UTP6: variants seen among roughly 807,000 people sequenced by gnomAD.
The protein encoded by UTP6 is U3 small nucleolar RNA-associated protein 6 homolog.
UTP6 carries 60 observed loss-of-function variants against 96.5 expected under a neutral mutation model. That is an observed-to-expected ratio of 0.62 (90% CI 0.51 to 0.77). The LOEUF (loss-of-function observed/expected upper bound fraction) is 0.77, where lower values mean the gene tolerates loss of function less well. UTP6 is among the 30% of genes least tolerant of loss of function. The pLI is 0.00. For synonymous variants in UTP6, 215 were observed against 240.1 expected, an observed-to-expected ratio of 0.90 and a Z score of 0.96; for missense variants, 637 against 706.5, an observed-to-expected ratio of 0.90 and a Z score of 1.12.
At chr17:31,891,760 C>A (rs929823043) in intron 6 of UTP6, among the ~76,000 whole-genome samples, 1 of 152,174 alleles carries the variant, frequency 6.6e-6, no homozygotes, top group Admixed American at 6.6e-5. Context: ...TGGTGGCTCA[C>A]GCCTGTAATC....
intron 7 of UTP6, 49 bp downstream of exon 7, chr17:31,889,236 G>T: frequency 1.4e-6 from 2 of 1,435,708 alleles, no homozygotes; most frequent in South Asian, 1.2e-5. Context: ...TGTCTCCAGA[G>T]GACCAAACTG....
intron 8 of UTP6, among the ~76,000 whole-genome samples, chr17:31,886,856 T>G (rs952504325): frequency 6.6e-6 from 1 of 152,214 alleles, no homozygotes; most frequent in African/African-American, 2.4e-5. Flanking sequence ...TATCACTTTA[T>G]GAGATCATAC....
Position 31,889,303 on chromosome 17 carries a change from G to A in UTP6, c.525C>T (p.Cys175=). ...CACTCACTTCTTTATAAAGTTTTGG[G>A]CACTCTGGATGAAAGCGCAGTGCGC... ...FLRALRFHPE[C]PKLYKEYFRM... The change falls in exon 7 of 19, where the codon TGC becomes TGT. Residue 175 remains cysteine (C), a synonymous_variant. Coordinates refer to ENST00000261708, the MANE Select transcript of UTP6 (RefSeq NM_018428.3). The A allele has an allele frequency of 6.2e-7, 1 of 1,612,780 alleles. No individual in the cohort carries two copies. The highest frequency in any genetic ancestry group is 8.5e-7 in the Non-Finnish European group (1 of 1,179,196).
chr17:31,867,976 A>G, intron 17 of UTP6, 70 bp downstream of exon 17: 1 of 1,526,882 alleles, frequency 6.5e-7, no homozygotes, highest in Non-Finnish European at 8.9e-7. Context: ...AAAAAACAAA[A>G]AACAGTCTGA....
chr17:31,864,697 T>C (rs28425574), intron 18 of UTP6, among the ~76,000 whole-genome samples: 4,682 of 151,372 alleles, frequency 0.031, 243 homozygotes, highest in African/African-American at 0.11. Flanking sequence ...ATCACAGTCA[T>C]TGCAGCCTCA....
intron 2 of UTP6, among the ~76,000 whole-genome samples, chr17:31,896,551 T>C (rs1244346654): frequency 2.0e-5 from 3 of 152,196 alleles, no homozygotes; most frequent in Non-Finnish European, 2.9e-5. Flanking sequence ...TATATGTGTA[T>C]ATGTAGTTCT....
At chr17:31,880,443 G>A in intron 11 of UTP6, 130 bp downstream of exon 11, 1 of 1,058,038 alleles carries the variant, frequency 9.5e-7, no homozygotes, top group East Asian at 2.6e-5. Flanking sequence ...AAAAAAAAAG[G>A]CCAGGCTCAT....
Position 31,868,039 on chromosome 17 carries a change from CACTT to C in UTP6, c.1563+3_1563+6del. On this transcript the variant is annotated splice_donor_5th_base_variant and intron_variant, in intron 17 of 18. Transcript: ENST00000261708. The stretch of plus-strand genomic sequence containing the variant: ...CCAGACAAGAAATGCTGAAACAGAA[CACTT>C]ACTTGCTCCTTTTCAAACTGAATCA... 1.2e-6 allele frequency: 2 copies of C among 1,612,376 alleles called. No individual in the cohort carries two copies. The highest frequency in any genetic ancestry group is 1.7e-6 in the Non-Finnish European group (2 of 1,178,984).
chr17:31,867,742 G>C (rs191729798), intron 17 of UTP6, among the ~76,000 whole-genome samples: 156 of 151,986 alleles, frequency 1.0e-3, no homozygotes, highest in Middle Eastern at 3.4e-3. Flanking sequence ...CACATCACGA[G>C]GTCAACAGAT....
intron 2 of UTP6, among the ~76,000 whole-genome samples, chr17:31,896,743 C>A (rs1268327789): frequency 6.6e-6 from 1 of 151,572 alleles, no homozygotes; most frequent in Non-Finnish European, 1.5e-5. Flanking sequence ...TTCAACTGAT[C>A]CTCCCACCTC....
intron 16 of UTP6, among the ~76,000 whole-genome samples, chr17:31,870,671 G>A (rs1401261146): frequency 5.9e-5 from 9 of 151,486 alleles, no homozygotes; most frequent in Non-Finnish European, 8.8e-5. Flanking sequence ...ACAGGCGCCC[G>A]CCACCACATC....
chr17:31,876,434 C>T (rs1483724340), intron 13 of UTP6, among the ~76,000 whole-genome samples: 1 of 150,234 alleles, frequency 6.7e-6, no homozygotes, highest in Non-Finnish European at 1.5e-5. Flanking sequence ...CACCTAAGGT[C>T]GGGAGTTCAA....
chr17:31,889,192 C>T (rs1911320791), intron 7 of UTP6, 93 bp downstream of exon 7: 10 of 878,774 alleles, frequency 1.1e-5, no homozygotes, highest in Admixed American at 4.8e-5. Flanking sequence ...GAGGCTGAGG[C>T]GTAAGAATTG....
chr17:31,881,718 G>C (rs1413971854), intron 10 of UTP6, among the ~76,000 whole-genome samples: 1 of 150,756 alleles, frequency 6.6e-6, no homozygotes, highest in African/African-American at 2.4e-5. Flanking sequence ...TTTTGTTTTT[G>C]AGATAGGGTC....
At position 31,861,128 on chromosome 17, in the gene UTP6, C is replaced by A. The variant is rs1315559804; in HGVS notation, c.*2231G>T. On this transcript the variant is annotated 3_prime_UTR_variant, in exon 19 of 19. Transcript: ENST00000261708. Reference sequence around the variant, plus strand: ...CAAAAGGTGCCTATAATCCCAGCTACTTGGGAGGCTTTGGCAGGGAGAACT... The same window carrying A: ...CAAAAGGTGCCTATAATCCCAGCTAATTGGGAGGCTTTGGCAGGGAGAACT... 1.3e-5 allele frequency: 2 copies of A among 151,906 alleles called. No individual in the cohort carries two copies. The highest frequency in any genetic ancestry group is 2.9e-5 in the Non-Finnish European group (2 of 68,002). 9.4% of individuals were successfully genotyped at this position (151,906 alleles called of 1,614,324 possible).
chr17:31,901,348 TAGAC>T (rs1171661935), intron 1 of UTP6, 184 bp downstream of exon 1: 5 of 589,108 alleles, frequency 8.5e-6, no homozygotes, highest in Non-Finnish European at 1.2e-5. Context: ...GATGGGTAAG[TAGAC>T]GGACGGATTA....
At chr17:31,875,515 T>G in intron 13 of UTP6, 102 bp from the exon 14 acceptor site, 1 of 1,318,426 alleles carries the variant, frequency 7.6e-7, no homozygotes, top group South Asian at 1.5e-5. Flanking sequence ...TTCACCAACC[T>G]TTCCACTACA....
Position 31,868,062 on chromosome 17 carries a change from T to C in UTP6, c.1547A>G (p.Gln516Arg), listed in dbSNP as rs1909927196. The C allele has an allele frequency of 6.2e-7, 1 of 1,613,246 alleles. No individual in the cohort carries two copies. The highest frequency in any genetic ancestry group is 1.7e-5 in the Admixed American group (1 of 59,970). ...FSVDFFRKMI[Q>R]FEKEQESCNM... ...AACACTTACTTGCTCCTTTTCAAAC[T>C]GAATCATTTTCCTGAAAAAGTCAAC... The change falls in exon 17 of 19, where the codon CAG (glutamine) becomes CGG (arginine). Residue 516 changes from glutamine (Q) to arginine (R), a missense_variant. By Grantham distance (43) the Gln-to-Arg change is conservative. Coordinates refer to ENST00000261708, the MANE Select transcript of UTP6 (RefSeq NM_018428.3).
intron 6 of UTP6, among the ~76,000 whole-genome samples, chr17:31,889,932 A>T (rs1911390454): frequency 6.6e-6 from 1 of 152,202 alleles, no homozygotes; most frequent in Non-Finnish European, 1.5e-5. Flanking sequence ...AATGATAACA[A>T]ATGTTCAATT....
Sources: allele counts gnomAD v4.1 joint callset (sites outside exome capture counted in the v4.1 genomes callset), GRCh38; gene constraint gnomAD v4.1.1; transcripts MANE v1.5; gene names NCBI Gene and HGNC (gene_info 2026-07-23, HGNC 2026-07-21).